Variants in FCAMR observed in about 807,000 individuals in gnomAD.
The protein encoded by FCAMR is Fc alpha and mu receptor.
In FCAMR, 51 loss-of-function variants were observed where a neutral mutation model predicts 52.2. The ratio of observed to expected loss-of-function variants is 0.98; its 90% confidence interval spans 0.78 to 1.23. The LOEUF (loss-of-function observed/expected upper bound fraction) is 1.23, where lower values mean the gene tolerates loss of function less well. Among genes scored for constraint, FCAMR ranks in the 50% most tolerant of loss-of-function variants. The pLI, the probability that FCAMR is intolerant of heterozygous loss-of-function variation, is 0.00. For synonymous variants in FCAMR, 282 were observed against 262.0 expected (o/e 1.08, Z -0.74); for missense variants, 719 against 712.6 (o/e 1.01, Z -0.10).
chr1:206,966,490 A>C (rs1384443046), intron 3 of FCAMR, among the ~76,000 whole-genome samples: 1 of 152,158 alleles, frequency 6.6e-6, no homozygotes, highest in Non-Finnish European at 1.5e-5. Flanking sequence ...GGTTCAAGCG[A>C]TTCTTCTGCC....
At chr1:206,964,885 C>T (rs746497334) in intron 4 of FCAMR, among the ~76,000 whole-genome samples, 1 of 152,126 alleles carries the variant, frequency 6.6e-6, no homozygotes, top group Non-Finnish European at 1.5e-5. Flanking sequence ...TTCAACATGG[C>T]AACAGCAGAG....
chr1:206,965,669 G>A (rs1447389014), intron 4 of FCAMR, 46 bp downstream of exon 4: 3 of 1,511,916 alleles, frequency 2.0e-6, no homozygotes, highest in Admixed American at 2.4e-5. Flanking sequence ...GAGAGCCTGG[G>A]AAGTCTGAGG....
At chr1:206,962,185 G>A (rs1167591131) in intron 5 of FCAMR, 28 bp downstream of exon 5, 2 of 1,601,288 alleles carry the variant, frequency 1.2e-6, no homozygotes, top group Non-Finnish European at 8.5e-7. Context: ...GCTTCACCAA[G>A]CTTGGCCCAT....
At chr1:206,959,000 A>C (rs7556372) in intron 7 of FCAMR, 1 of 504,142 alleles carries the variant, frequency 2.0e-6, no homozygotes, top group Non-Finnish European at 4.0e-6. Context: ...GGGCTTTGCC[A>C]AAGGGGGAAA....
In FCAMR at chr1:206,958,600, G is replaced by A. The variant is rs759135181; in HGVS notation, c.1650C>T (p.Pro550=). Residue 550 remains proline (P), a synonymous_variant, in exon 8 of 8, where the codon CCC becomes CCT. Coordinates refer to ENST00000324852, the MANE Select transcript of FCAMR (RefSeq NM_001170631.2). ...LEVNPQADQL[P]HVERKMLQDD... is the part of the protein sequence containing the mutation. ...CCTGGAGCATCTTTCTTTCCACATG[G>A]GGCAGCTGGTCTGCTTGGGGGTTCA... is the stretch of plus-strand genomic sequence containing the variant. 1.2e-6 allele frequency: 2 copies of A among 1,613,896 alleles called. No homozygotes were observed. The highest frequency in any genetic ancestry group is 3.3e-5 in the Admixed American group (2 of 60,024).
In FCAMR at chr1:206,958,439, G is replaced by A; in HGVS notation, c.*77C>T. 7.0e-7 allele frequency: 1 copy of A among 1,430,822 alleles called. No individual in the cohort carries two copies. Among genetic ancestry groups the A allele is most frequent in the Non-Finnish European group, 9.3e-7 (1 of 1,070,728 alleles). The allele number at this position is 1,430,822 out of a possible 1,614,324, so 88.6% of individuals were successfully genotyped here. On this transcript the variant is annotated 3_prime_UTR_variant, in exon 8 of 8. Coordinates refer to ENST00000324852, the MANE Select transcript of FCAMR (RefSeq NM_001170631.2). ...TCCCACAGGTGGAGGAAGGATGATG[G>A]AAAGAGGCTGGGGTCCTGAAGGCCT...
In FCAMR at chr1:206,965,825, T is replaced by A. The variant is rs1410053277; in HGVS notation, c.203A>T (p.His68Leu). 3 of 1,603,712 alleles carry A rather than the reference T, an allele frequency of 1.9e-6. No individual in the cohort carries two copies. The highest frequency in any genetic ancestry group is 1.7e-5 in the Admixed American group (1 of 58,582). The part of the protein sequence containing the change: ...SSFALPQKRP[H>L]PRWLWEGSLP... ...AGAGCCCTCCCACAGCCATCTCGGA[T>A]GGGGTCTTTTTTGTGGAAGGGCGAA... The change falls in exon 4 of 8, where the codon CAT (histidine) becomes CTT (leucine). Residue 68 changes from histidine (H) to leucine (L), a missense_variant. Coordinates refer to ENST00000324852, the MANE Select transcript of FCAMR (RefSeq NM_001170631.2).
chr1:206,961,104 G>A lies in FCAMR; in HGVS notation c.772C>T (p.Gln258Ter). The change falls in exon 6 of 8, where the codon CAG becomes TAG. Residue 258 changes from glutamine (Q) to a stop codon, truncating the protein, a stop_gained. Coordinates refer to ENST00000324852, the MANE Select transcript of FCAMR (RefSeq NM_001170631.2). LOFTEE classifies it high-confidence loss of function. ...WTPGTTQTLGQGTAWDTVAST... is the reference protein window; with the variant it reads ...WTPGTTQTLG Reference sequence around the variant, plus strand: ...GCAACTGTGTCCCATGCTGTCCCCTGTCCTAAGGTCTGGGTGGTTCCTGGG... The same window carrying A: ...GCAACTGTGTCCCATGCTGTCCCCTATCCTAAGGTCTGGGTGGTTCCTGGG... The A allele has an allele frequency of 6.4e-7, 1 of 1,551,840 alleles. No individual in the cohort carries two copies. The highest frequency in any genetic ancestry group is 8.7e-7 in the Non-Finnish European group (1 of 1,147,040).
intron 5 of FCAMR, among the ~76,000 whole-genome samples, chr1:206,961,803 CTG>C (rs923859915): frequency 6.6e-6 from 1 of 152,242 alleles, no homozygotes; most frequent in Non-Finnish European, 1.5e-5. Context: ...CAGCAAGAGT[CTG>C]TGTGAAGGAC....
chr1:206,967,214 C>A, intron 2 of FCAMR, 102 bp from the exon 3 acceptor site: 1 of 1,221,966 alleles, frequency 8.2e-7, no homozygotes, highest in Non-Finnish European at 1.2e-6. Context: ...TCTCGGTTTG[C>A]TCAGTGCAGG....
At chr1:206,965,997 C>CAGGAGGGCAGG in intron 3 of FCAMR, 139 bp from the exon 4 acceptor site, 6 of 1,119,264 alleles carry the variant, frequency 5.4e-6, no homozygotes, top group Non-Finnish European at 7.8e-6. Flanking sequence ...GTAAGAGCTG[C>CAGGAGGGCAGG]CTGCCCTCCT....
chr1:206,961,303 A>T, intron 5 of FCAMR, 80 bp from the exon 6 acceptor site: 7 of 1,189,970 alleles, frequency 5.9e-6, no homozygotes, highest in Non-Finnish European at 4.6e-6. Flanking sequence ...CCAGGTTTAA[A>T]ATGTCTGCTA....
chr1:206,967,189 C>T (rs1680749369), intron 2 of FCAMR, 77 bp from the exon 3 acceptor site: 2 of 1,479,112 alleles, frequency 1.4e-6, no homozygotes, highest in Admixed American at 3.7e-5. Flanking sequence ...GAACAAGCAT[C>T]TTCTCACTTT....
rs1680887850 is a variant in FCAMR at position 206,970,298 on chromosome 1, A to G, written c.-173T>C. 1.6e-6 allele frequency: 1 copy of G among 617,786 alleles called. No homozygotes were observed. Among genetic ancestry groups the G allele is most frequent in the Non-Finnish European group, 2.8e-6 (1 of 352,792 alleles). 38.3% of individuals were successfully genotyped at this position (617,786 alleles called of 1,614,324 possible). A position where few individuals can be genotyped will look rare whatever the true frequency, so the allele number is the denominator to read the frequency against. On this transcript the variant is annotated 5_prime_UTR_variant, in exon 1 of 8. Transcript: ENST00000324852. Reference sequence around the variant, plus strand: ...TCGGGGTGCAAGGCGTAGCTCTGCCACTCACCTCAAGTCACTTCTCTTTGG... The same window carrying G: ...TCGGGGTGCAAGGCGTAGCTCTGCCGCTCACCTCAAGTCACTTCTCTTTGG...
chr1:206,965,680 T>C (rs1466719032), intron 4 of FCAMR, 35 bp downstream of exon 4: 1 of 1,529,156 alleles, frequency 6.5e-7, no homozygotes, highest in East Asian at 2.4e-5. Context: ...AAGTCTGAGG[T>C]CCATGGTCGA....
rs773662170 is a variant in FCAMR at position 206,958,575 on chromosome 1, C to A, written c.1675G>T (p.Asp559Tyr). The A allele has an allele frequency of 2.5e-6, 4 of 1,613,710 alleles. No individual in the cohort carries two copies. The highest frequency in any genetic ancestry group is 3.3e-5 in the Admixed American group (2 of 60,024). Residue 559 changes from aspartate to tyrosine, a missense_variant, in exon 8 of 8, where the codon GAT (aspartate) becomes TAT (tyrosine). Physicochemically the swap from Asp to Tyr is radical, Grantham distance 160 (BLOSUM62 -3). Coordinates refer to ENST00000324852, the MANE Select transcript of FCAMR (RefSeq NM_001170631.2). Reference sequence around the variant, plus strand: ...CTGGCCCCAGCAGGAAGAGAGTCATCCTGGAGCATCTTTCTTTCCACATGG... The same window carrying A: ...CTGGCCCCAGCAGGAAGAGAGTCATACTGGAGCATCTTTCTTTCCACATGG... The part of the protein sequence containing the change: ...LPHVERKMLQ[D>Y]DSLPAGASLT...
chr1:206,963,672 C>T (rs1221125277), intron 4 of FCAMR, among the ~76,000 whole-genome samples: 1 of 152,128 alleles, frequency 6.6e-6, no homozygotes, highest in Non-Finnish European at 1.5e-5. Context: ...TTTGCTCTAT[C>T]CCTTCCCCTG....
At chr1:206,965,627 C>G in intron 4 of FCAMR, 88 bp downstream of exon 4, 1 of 1,441,824 alleles carries the variant, frequency 6.9e-7, no homozygotes, top group South Asian at 1.5e-5. Context: ...GCTAGGGCTG[C>G]CTATAGCTGT....
At chr1:206,961,870 G>A (rs550607438) in intron 5 of FCAMR, among the ~76,000 whole-genome samples, 14 of 152,324 alleles carry the variant, frequency 9.2e-5, no homozygotes, top group South Asian at 2.1e-4. Context: ...CAGTGCTGCC[G>A]CTTCTCTGCA....
Sources: allele counts gnomAD v4.1 joint callset (sites outside exome capture counted in the v4.1 genomes callset), GRCh38; gene constraint gnomAD v4.1.1; transcripts MANE v1.5; gene names NCBI Gene and HGNC (gene_info 2026-07-23, HGNC 2026-07-21).